The following ASCC1 variants were observed in gnomAD, a reference collection of about 807,000 sequenced individuals.
ASCC1 encodes the protein ASC-1 complex subunit P50.
A neutral mutation model predicts 46.6 loss-of-function variants in ASCC1; 35 were observed. The observed-to-expected ratio is 0.75, with a 90% CI of 0.57 to 0.99. The LOEUF is 0.99. Ranked by LOEUF, ASCC1 falls within the 50% of genes least tolerant of loss-of-function variation. ASCC1 has a pLI of 0.00. For missense variants in ASCC1, 376 were observed against 428.7 expected (o/e 0.88, Z 1.09); for synonymous variants, 143 against 146.6 (o/e 0.98, Z 0.18).
At chr10:72,200,438 C>T (rs937458349) in intron 4 of ASCC1, among the ~76,000 whole-genome samples, 10 of 151,986 alleles carry the variant, frequency 6.6e-5, no homozygotes, top group African/African-American at 2.2e-4. Context: ...CACCTGAGGT[C>T]GGGAGTTGGA....
Position 72,193,247 on chromosome 10 carries a change from T to A in ASCC1, c.489+3564A>T, listed in dbSNP as rs1230334394. 2.0e-5 allele frequency among the ~76,000 whole-genome samples: 3 copies of A among 152,048 alleles called. 1 individual carries two copies. Among genetic ancestry groups the A allele is most frequent in the Non-Finnish European group, 4.4e-5 (3 of 68,014 alleles). ...CTGCAAAAACCCAAGTGTCCTCCAA[T>A]GGGTGAATGGAGAAACAAATTGTAG... is the stretch of plus-strand genomic sequence containing the variant. On this transcript the variant is annotated intron_variant, in intron 5 of 9. Transcript: ENST00000672957.
chr10:72,184,078 A>C (rs1265234509), intron 5 of ASCC1, among the ~76,000 whole-genome samples: 2 of 152,080 alleles, frequency 1.3e-5, no homozygotes, highest in Non-Finnish European at 2.9e-5. Context: ...GGGGAGGCGG[A>C]GGTTGCAGTG....
chr10:72,107,819 G>A (rs553447376), intron 9 of ASCC1, among the ~76,000 whole-genome samples: 171 of 152,330 alleles, frequency 1.1e-3, no homozygotes, highest in Non-Finnish European at 1.9e-3. Context: ...GATTATGTGA[G>A]TCACTTAAAC....
chr10:72,130,347 T>TTATA (rs148845377), intron 8 of ASCC1, among the ~76,000 whole-genome samples: 2 of 151,824 alleles, frequency 1.3e-5, no homozygotes, highest in East Asian at 1.9e-4. Context: ...AACCACTAAA[T>TTATA]TATATATATA....
At chr10:72,101,472 G>A (rs570750939) in intron 9 of ASCC1, among the ~76,000 whole-genome samples, 10 of 152,178 alleles carry the variant, frequency 6.6e-5, no homozygotes, top group Admixed American at 2.0e-4. Context: ...GGTATAGGGC[G>A]TAACACAGAG....
chr10:72,097,316 T>C lies in ASCC1; in HGVS notation c.*18A>G, dbSNP rs1342794122. Reference sequence around the variant, plus strand: ...CCTGGTGAAGATGTTTAGTTTCTAGTGCTTTCCAAGATCCACCTCAGGAGA... The same window carrying C: ...CCTGGTGAAGATGTTTAGTTTCTAGCGCTTTCCAAGATCCACCTCAGGAGA... On this transcript the variant is annotated 3_prime_UTR_variant, in exon 10 of 10. Transcript: ENST00000672957. 1 of 1,520,794 alleles carries C rather than the reference T, an allele frequency of 6.6e-7. No homozygotes were observed. The highest frequency in any genetic ancestry group is 9.1e-7 in the Non-Finnish European group (1 of 1,095,586). 94.2% of individuals were successfully genotyped at this position (1,520,794 alleles called of 1,614,324 possible).
chr10:72,164,675 C>G (rs1035941103), intron 5 of ASCC1, among the ~76,000 whole-genome samples: 1 of 152,168 alleles, frequency 6.6e-6, no homozygotes, highest in Admixed American at 6.5e-5. Flanking sequence ...GGTCACATGG[C>G]AATTCTATGT....
chr10:72,213,656 CCAG>C (rs1858533663), intron 1 of ASCC1, among the ~76,000 whole-genome samples: 1 of 151,262 alleles, frequency 6.6e-6, no homozygotes. Context: ...ATCTGTAATC[CCAG>C]CACTTTGGGA....
intron 5 of ASCC1, among the ~76,000 whole-genome samples, chr10:72,171,546 C>T (rs1339183956): frequency 2.0e-5 from 3 of 152,174 alleles, no homozygotes; most frequent in Non-Finnish European, 4.4e-5. Context: ...CCTACCTCAG[C>T]CTCCTGAGTA....
intron 9 of ASCC1, among the ~76,000 whole-genome samples, chr10:72,116,869 G>A (rs2132083788): frequency 6.6e-6 from 1 of 152,276 alleles, no homozygotes; most frequent in South Asian, 2.1e-4. Context: ...AAGACAGGAG[G>A]ATCACTTAAG....
chr10:72,207,286 T>C (rs1857357677), intron 3 of ASCC1, among the ~76,000 whole-genome samples: 1 of 152,072 alleles, frequency 6.6e-6, no homozygotes, highest in Admixed American at 6.6e-5. Context: ...TGGTGGCGCA[T>C]GCCTGTAGTC....
At chr10:72,155,390 A>G (rs1848833417) in intron 6 of ASCC1, among the ~76,000 whole-genome samples, 1 of 152,168 alleles carries the variant, frequency 6.6e-6, no homozygotes, top group African/African-American at 2.4e-5. Context: ...ATCAGAACAG[A>G]GGTTGCTTCT....
rs557585387 is a variant in ASCC1, at chr10:72,138,868, TTC to T, written c.747-5689_747-5688del. 6.1e-3 allele frequency among the ~76,000 whole-genome samples: 928 copies of T among 152,182 alleles called. 6 individuals carry two copies. The highest frequency in any genetic ancestry group is 0.021 in the African/African-American group (856 of 41,540). On this transcript the variant is annotated intron_variant, in intron 7 of 9. Coordinates refer to ENST00000672957, the MANE Select transcript of ASCC1 (RefSeq NM_001198800.3). ...GGCGTGAGCCACCGCGCTCGGCTTG[TTC>T]TGTTTTCAATTCACTGTGCACTCCA...
chr10:72,152,367 T>C (rs913967476), intron 7 of ASCC1, among the ~76,000 whole-genome samples: 2 of 151,938 alleles, frequency 1.3e-5, no homozygotes, highest in Non-Finnish European at 2.9e-5. Context: ...TTGGTAAAGT[T>C]TTCATCCCCA....
chr10:72,109,331 C>A (rs1393224376), intron 9 of ASCC1, among the ~76,000 whole-genome samples: 1 of 152,146 alleles, frequency 6.6e-6, no homozygotes, highest in Non-Finnish European at 1.5e-5. Flanking sequence ...TAAAATAGTA[C>A]CAAAAGGCTT....
At chr10:72,116,341 T>G (rs965141582) in intron 9 of ASCC1, among the ~76,000 whole-genome samples, 1 of 152,248 alleles carries the variant, frequency 6.6e-6, no homozygotes, top group Non-Finnish European at 1.5e-5. Flanking sequence ...GTTTAAAAAC[T>G]GTTAGGACTC....
chr10:72,097,358 G>C lies in ASCC1; in HGVS notation c.1050C>G (p.Ser350=). The change falls in exon 10 of 10, where the codon TCC becomes TCG. Residue 350 remains serine, a synonymous_variant. Transcript: ENST00000672957. ...FTVDSFGNYA[S]CGQIDFS ...CTCAGGAGAAGTCAATTTGTCCACAGGAAGCGTAGTTTCCAAAGCTGTCTA... is the reference window on the plus strand; with the variant it reads ...CTCAGGAGAAGTCAATTTGTCCACACGAAGCGTAGTTTCCAAAGCTGTCTA... 1 of 1,613,090 alleles carries C rather than the reference G, an allele frequency of 6.2e-7. No individual in the cohort carries two copies. The highest frequency in any genetic ancestry group is 1.1e-5 in the South Asian group (1 of 91,058).
intron 5 of ASCC1, among the ~76,000 whole-genome samples, chr10:72,176,419 G>A (rs1851865859): frequency 6.6e-6 from 1 of 152,026 alleles, no homozygotes. Context: ...CATGGCTACT[G>A]TAACCTCTAT....
intron 6 of ASCC1, among the ~76,000 whole-genome samples, chr10:72,160,621 G>A (rs1028111402): frequency 2.6e-5 from 4 of 151,944 alleles, no homozygotes; most frequent in African/African-American, 9.7e-5. Context: ...AGCACTTTTG[G>A]AGGCCGAAGC....
Sources: gnomAD v4.1 joint callset for allele counts (sites outside exome capture counted in the v4.1 genomes callset) on GRCh38, gnomAD v4.1.1 for gene constraint, MANE v1.5 for transcripts, NCBI Gene and HGNC (gene_info 2026-07-23, HGNC 2026-07-21) for gene names.